LNPEP: variants seen among roughly 807,000 people sequenced by gnomAD.
LNPEP encodes leucyl-cystinyl aminopeptidase.
Under a neutral mutation model 120.6 loss-of-function variants are expected in LNPEP, and 64 were observed. That is an observed-to-expected ratio of 0.53 (90% CI 0.43 to 0.65). The LOEUF (loss-of-function observed/expected upper bound fraction) is 0.65, where lower values mean the gene tolerates loss of function less well. LNPEP is among the 30% of genes least tolerant of loss of function. The probability of loss-of-function intolerance (pLI) is 0.00; values close to 1 mark genes in which losing one functional copy is unlikely to be tolerated. For missense variants in LNPEP, 1,057 were observed against 1,200.0 expected (o/e 0.88, Z 1.76); for synonymous variants, 435 against 425.4 (o/e 1.02, Z -0.28).
chr5:96,938,008 G>T (rs1788960417), intron 1 of LNPEP, among the ~76,000 whole-genome samples: 1 of 152,196 alleles, frequency 6.6e-6, no homozygotes, highest in Non-Finnish European at 1.5e-5. Context: ...ACTCCTTGGA[G>T]CCTTATTTAG....
Position 97,036,902 on chromosome 5 carries a change from G to C in LNPEP, c.*8369G>C, listed in dbSNP as rs1030996525. 6.6e-6 allele frequency: 1 copy of C among 152,100 alleles called. No homozygotes were observed. Among genetic ancestry groups the C allele is most frequent in the African/African-American group, 2.4e-5 (1 of 41,416 alleles). The allele number at this position is 152,100 out of a possible 1,614,324, so 9.4% of individuals were successfully genotyped here. ...AGGGCACCTTTTTGGAGTTAGTCAT[G>C]GTAGTCATTAGTGATATTTCTGAAC... On this transcript the variant is annotated 3_prime_UTR_variant, in exon 18 of 18. Coordinates refer to ENST00000231368, the MANE Select transcript of LNPEP (RefSeq NM_005575.3).
chr5:96,968,385 TTAGA>T (rs1789778253), intron 1 of LNPEP, among the ~76,000 whole-genome samples: 1 of 152,116 alleles, frequency 6.6e-6, no homozygotes, highest in African/African-American at 2.4e-5. Context: ...AGAATGATTA[TTAGA>T]TAGTGTCGTT....
intron 11 of LNPEP, chr5:97,011,016 C>T: frequency 7.1e-6 from 7 of 985,310 alleles, no homozygotes; most frequent in Non-Finnish European, 8.4e-6. Flanking sequence ...CAAGTATATT[C>T]CCAGCTGTGT....
intron 14 of LNPEP, among the ~76,000 whole-genome samples, chr5:97,023,338 C>G (rs1791259833): frequency 6.6e-6 from 1 of 152,120 alleles, no homozygotes; most frequent in Non-Finnish European, 1.5e-5. Context: ...ATTGCAACCT[C>G]CACTTCTCGG....
Position 96,941,929 on chromosome 5 carries a change from C to T in LNPEP, c.19+5755C>T, listed in dbSNP as rs980213459. 6.6e-5 allele frequency among the ~76,000 whole-genome samples: 10 copies of T among 152,220 alleles called. No homozygotes were observed. In the South Asian group the frequency reaches 2.1e-3, roughly 32 times the overall value. Reference sequence around the variant, plus strand: ...TGGTCATGCCTTGATCCTTGCAAGTCTTTGGTTCAGAAATGAGCTTCAGTT... The same window carrying T: ...TGGTCATGCCTTGATCCTTGCAAGTTTTTGGTTCAGAAATGAGCTTCAGTT... On this transcript the variant is annotated intron_variant, in intron 1 of 17. Transcript: ENST00000231368.
intron 8 of LNPEP, among the ~76,000 whole-genome samples, chr5:97,002,140 AAAATAAATAAAT>A (rs1180935858): frequency 6.6e-6 from 1 of 152,072 alleles, no homozygotes. Flanking sequence ...ACTTCATCTC[AAAATAAATAAAT>A]AAATAAATAA....
chr5:96,972,398 G>T (rs1253757593), intron 1 of LNPEP, among the ~76,000 whole-genome samples: 2 of 151,976 alleles, frequency 1.3e-5, no homozygotes, highest in African/African-American at 4.8e-5. Flanking sequence ...GCTCTGGCTG[G>T]GTTGACCTGC....
intron 13 of LNPEP, among the ~76,000 whole-genome samples, chr5:97,017,961 CT>C (rs1791104670): frequency 6.6e-6 from 1 of 152,106 alleles, no homozygotes; most frequent in South Asian, 2.1e-4. Flanking sequence ...GCCTTTGTCT[CT>C]GTCAACACAG....
In LNPEP at chr5:97,034,304, T is replaced by C. The variant is rs770174496; in HGVS notation, c.*5771T>C. ...TGGATACTTAGGTACGTAATGAAAA[T>C]TGAGGTTCATTCTATGAAAAAATCT... is the stretch of plus-strand genomic sequence containing the variant. On this transcript the variant is annotated 3_prime_UTR_variant, in exon 18 of 18. Coordinates refer to ENST00000231368, the MANE Select transcript of LNPEP (RefSeq NM_005575.3). 6.6e-6 allele frequency: 1 copy of C among 152,124 alleles called. No homozygotes were observed. Among genetic ancestry groups the C allele is most frequent in the Non-Finnish European group, 1.5e-5 (1 of 68,012 alleles). The allele number at this position is 152,124 out of a possible 1,614,324, so 9.4% of individuals were successfully genotyped here.
intron 2 of LNPEP, among the ~76,000 whole-genome samples, chr5:96,982,137 T>C (rs2112610556): frequency 6.6e-6 from 1 of 152,208 alleles, no homozygotes; most frequent in African/African-American, 2.4e-5. Context: ...AAGTAACTTA[T>C]CCAGCATCTC....
At chr5:96,968,306 T>C (rs1385584489) in intron 1 of LNPEP, among the ~76,000 whole-genome samples, 1 of 152,046 alleles carries the variant, frequency 6.6e-6, no homozygotes, top group African/African-American at 2.4e-5. Flanking sequence ...TAAACAAAAC[T>C]CTATGTACAG....
In LNPEP at chr5:97,036,264, T is replaced by A. The variant is rs2112687279; in HGVS notation, c.*7731T>A. 6.6e-6 allele frequency: 1 copy of A among 151,656 alleles called. No individual in the cohort carries two copies. Among genetic ancestry groups the A allele is most frequent in the South Asian group, 2.1e-4 (1 of 4,806 alleles). The allele number at this position is 151,656 out of a possible 1,614,324, so 9.4% of individuals were successfully genotyped here. A position where few individuals can be genotyped will look rare whatever the true frequency, so the allele number is the denominator to read the frequency against. ...TCCAAAAGGAATTTTCTATCTTTCA[T>A]CCCCCACATGTGGCAAGACAAGTTG... On this transcript the variant is annotated 3_prime_UTR_variant, in exon 18 of 18. Transcript: ENST00000231368.
intron 13 of LNPEP, among the ~76,000 whole-genome samples, chr5:97,017,458 A>G (rs1270336676): frequency 6.6e-6 from 1 of 152,028 alleles, no homozygotes; most frequent in Non-Finnish European, 1.5e-5. Context: ...TTTTATTAAT[A>G]TGAGTTTTAA....
chr5:96,985,758 G>GGT (rs771980652), intron 3 of LNPEP, among the ~76,000 whole-genome samples: 9 of 139,278 alleles, frequency 6.5e-5, no homozygotes, highest in Non-Finnish European at 1.4e-4. Context: ...GTCTTTTTTT[G>GGT]TTTTTTTTTT....
intron 1 of LNPEP, chr5:96,962,771 T>G (rs1382270451): frequency 6.6e-6 from 1 of 152,184 alleles, no homozygotes; most frequent in African/African-American, 2.4e-5. Flanking sequence ...AGAGATATTC[T>G]TAATTACTCT....
Position 96,993,226 on chromosome 5 carries a change from G to A in LNPEP, c.1252+91G>A, listed in dbSNP as rs1790433257. The stretch of plus-strand genomic sequence containing the variant: ...TTTAGAAAGAGGTTCTGCCCAAGTT[G>A]TTTGCAGAGAAAACCAAAAACCATT... On this transcript the variant is annotated intron_variant, in intron 5 of 17. Coordinates refer to ENST00000231368, the MANE Select transcript of LNPEP (RefSeq NM_005575.3). 14 of 962,036 alleles carry A rather than the reference G, an allele frequency of 1.5e-5. 1 individual carries two copies. The South Asian group carries it at 2.8e-4, about 19-fold the overall frequency. The allele number at this position is 962,036 out of a possible 1,614,324, so 59.6% of individuals were successfully genotyped here. A position where few individuals can be genotyped will look rare whatever the true frequency, so the allele number is the denominator to read the frequency against.
intron 16 of LNPEP, among the ~76,000 whole-genome samples, chr5:97,027,463 TC>T (rs1472044622): frequency 6.6e-6 from 1 of 152,224 alleles, no homozygotes; most frequent in Non-Finnish European, 1.5e-5. Context: ...CTCTTTTAAA[TC>T]AATAATGGCA....
chr5:96,954,526 G>A (rs7703341), intron 1 of LNPEP, among the ~76,000 whole-genome samples: 60,157 of 149,748 alleles, frequency 0.4, 12,175 homozygotes, highest in Non-Finnish European at 0.43. Context: ...AAGCTTCTCA[G>A]ATTTGGCCTT....
chr5:97,019,231 C>T (rs1025815050), intron 13 of LNPEP, among the ~76,000 whole-genome samples: 38 of 152,274 alleles, frequency 2.5e-4, no homozygotes, highest in Admixed American at 1.6e-3. Flanking sequence ...CCTCTCTCCA[C>T]TTGCCATTTC....
Sources: allele counts gnomAD v4.1 joint callset (sites outside exome capture counted in the v4.1 genomes callset), GRCh38; gene constraint gnomAD v4.1.1; transcripts MANE v1.5; gene names NCBI Gene and HGNC (gene_info 2026-07-23, HGNC 2026-07-21).